The following ACSS3 variants were observed in gnomAD, a reference collection of about 807,000 sequenced individuals.
The protein encoded by ACSS3 is acyl-CoA synthetase short chain family member 3.
ACSS3 carries 64 observed loss-of-function variants against 84.2 expected under a neutral mutation model. The ratio of observed to expected loss-of-function variants is 0.76; its 90% CI spans 0.62 to 0.94. The LOEUF (loss-of-function observed/expected upper bound fraction) is 0.94, where lower values mean the gene tolerates loss of function less well. ACSS3 is among the 40% of genes least tolerant of loss of function. ACSS3 has a pLI of 0.00. For synonymous variants in ACSS3, 317 were observed against 310.1 expected, an observed-to-expected ratio of 1.02 and a Z score of -0.23; for missense variants, 815 against 867.6, an observed-to-expected ratio of 0.94 and a Z score of 0.76.
At chr12:81,144,951 A>C (rs1462281364) in intron 5 of ACSS3, among the ~76,000 whole-genome samples, 1 of 124,766 alleles carries the variant, frequency 8.0e-6, no homozygotes, top group African/African-American at 3.1e-5. Context: ...CCCAGGCTGG[A>C]GTGCAGTGGC....
Position 81,176,013 on chromosome 12 carries a change from GA to G in ACSS3, c.1250+1081del, listed in dbSNP as rs570223109. Among the ~76,000 whole-genome samples, 3 of 151,916 alleles carry G rather than the reference GA, an allele frequency of 2.0e-5. No homozygotes were observed. The East Asian group carries it at 5.8e-4, about 29-fold the overall frequency. On this transcript the variant is annotated intron_variant, in intron 8 of 15. Coordinates refer to ENST00000548058, the MANE Select transcript of ACSS3 (RefSeq NM_024560.4). ...AAATCAACCAAATTAGATCTGAACT[GA>G]AAAAAATTTAGATGCTAAAAAACCA...
chr12:81,126,995 G>A (rs1019392416), intron 2 of ACSS3, among the ~76,000 whole-genome samples: 2 of 151,616 alleles, frequency 1.3e-5, no homozygotes, highest in Non-Finnish European at 3.0e-5. Context: ...AATACAATGC[G>A]ATTCTTAAAT....
At chr12:81,154,519 C>G (rs957585788) in intron 7 of ACSS3, among the ~76,000 whole-genome samples, 2 of 152,218 alleles carry the variant, frequency 1.3e-5, no homozygotes, top group African/African-American at 4.8e-5. Flanking sequence ...CTTTGACTTT[C>G]TCTGGTCACA....
At chr12:81,241,358 G>C (rs1483730148) in intron 13 of ACSS3, among the ~76,000 whole-genome samples, 1 of 152,004 alleles carries the variant, frequency 6.6e-6, no homozygotes, top group Non-Finnish European at 1.5e-5. Context: ...CCCAGTAATG[G>C]GATGGCTGGG....
chr12:81,240,640 G>A (rs1477855522), intron 13 of ACSS3, among the ~76,000 whole-genome samples: 2 of 151,350 alleles, frequency 1.3e-5, no homozygotes, highest in African/African-American at 4.9e-5. Flanking sequence ...TTCTTTCTCT[G>A]CATTTTGTGG....
intron 9 of ACSS3, among the ~76,000 whole-genome samples, chr12:81,202,233 C>T (rs1222906608): frequency 2.6e-5 from 4 of 151,586 alleles, no homozygotes; most frequent in South Asian, 4.2e-4. Flanking sequence ...GAGCTGAGAT[C>T]GCACCACTGC....
intron 8 of ACSS3, among the ~76,000 whole-genome samples, chr12:81,195,134 C>G (rs545619427): frequency 9.9e-5 from 15 of 152,126 alleles, no homozygotes; most frequent in Admixed American, 9.8e-4. Context: ...TTTGGTTGCT[C>G]TTTGCCTACA....
At chr12:81,175,749 T>C (rs986624214) in intron 8 of ACSS3, among the ~76,000 whole-genome samples, 1 of 152,188 alleles carries the variant, frequency 6.6e-6, no homozygotes, top group African/African-American at 2.4e-5. Flanking sequence ...TGCTCCTGGG[T>C]GACTTTTGGG....
intron 11 of ACSS3, among the ~76,000 whole-genome samples, chr12:81,230,205 TCC>T (rs1308126592): frequency 2.0e-5 from 3 of 151,854 alleles, no homozygotes; most frequent in Non-Finnish European, 4.4e-5. Context: ...TATTGAAAAT[TCC>T]AAACTAAAGG....
chr12:81,243,657 C>A (rs2033886336), intron 13 of ACSS3, among the ~76,000 whole-genome samples: 1 of 152,112 alleles, frequency 6.6e-6, no homozygotes, highest in Non-Finnish European at 1.5e-5. Flanking sequence ...GGTACCAAAA[C>A]AGAGATATAG....
intron 11 of ACSS3, 113 bp downstream of exon 11, chr12:81,220,189 T>C (rs532244372): frequency 7.8e-6 from 4 of 514,896 alleles, no homozygotes; most frequent in Middle Eastern, 3.1e-4. Flanking sequence ...AGAAAGAACT[T>C]GTGTGTTGCT....
chr12:81,160,529 A>G (rs937848389), intron 7 of ACSS3, among the ~76,000 whole-genome samples: 6 of 152,236 alleles, frequency 3.9e-5, no homozygotes, highest in African/African-American at 1.4e-4. Context: ...ATGTACCTAT[A>G]TGACTTAAGC....
rs745670835 is a variant in ACSS3 at position 81,216,891 on chromosome 12, C to A, written c.1355-10C>A. The A allele has an allele frequency of 2.7e-5, 44 of 1,601,642 alleles. No homozygotes were observed. The highest frequency in any genetic ancestry group is 3.5e-5 in the Non-Finnish European group (41 of 1,169,988). On this transcript the variant is annotated splice_polypyrimidine_tract_variant and intron_variant, in intron 9 of 15. Coordinates refer to ENST00000548058, the MANE Select transcript of ACSS3 (RefSeq NM_024560.4). ...AAACATGAAGTGATAAATAACATTT[C>A]TTTTTCCAGAGACTGGATCTCCAAT... is the stretch of plus-strand genomic sequence containing the variant.
chr12:81,156,904 C>T (rs188593109), intron 7 of ACSS3, among the ~76,000 whole-genome samples: 203 of 152,222 alleles, frequency 1.3e-3, no homozygotes, highest in Non-Finnish European at 2.5e-3. Flanking sequence ...TTCTGTATTC[C>T]ATGTGCCATC....
chr12:81,104,997 A>T (rs1459094733), intron 1 of ACSS3, among the ~76,000 whole-genome samples: 1 of 152,206 alleles, frequency 6.6e-6, no homozygotes, highest in Non-Finnish European at 1.5e-5. Context: ...AAATCAGGTT[A>T]TTCAGTAATC....
At chr12:81,197,367 A>T (rs1432840272) in intron 8 of ACSS3, among the ~76,000 whole-genome samples, 2 of 152,180 alleles carry the variant, frequency 1.3e-5, no homozygotes, top group African/African-American at 4.8e-5. Flanking sequence ...GGCCAAGATT[A>T]TCTATAAAAG....
At chr12:81,228,806 C>G (rs1350606913) in intron 11 of ACSS3, among the ~76,000 whole-genome samples, 1 of 151,790 alleles carries the variant, frequency 6.6e-6, no homozygotes, top group African/African-American at 2.4e-5. Context: ...TGATTGCAAA[C>G]AGTTAGGAGT....
chr12:81,101,847 T>A (rs10862240), intron 1 of ACSS3, among the ~76,000 whole-genome samples: 61,339 of 151,712 alleles, frequency 0.4, 14,043 homozygotes, highest in Non-Finnish European at 0.53. Context: ...TTTTTTTTTA[T>A]ACTTACTGGT....
At chr12:81,133,649 C>T (rs929797116) in intron 2 of ACSS3, among the ~76,000 whole-genome samples, 18 of 152,104 alleles carry the variant, frequency 1.2e-4, no homozygotes, top group African/African-American at 4.3e-4. Context: ...CCTTCCCCTG[C>T]ACTCTGAATC....
Sources: allele counts gnomAD v4.1 joint callset (sites outside exome capture counted in the v4.1 genomes callset), GRCh38; gene constraint gnomAD v4.1.1; transcripts MANE v1.5; gene names NCBI Gene and HGNC (gene_info 2026-07-23, HGNC 2026-07-21).